IFT43: variants seen among roughly 807,000 people sequenced by gnomAD.
The protein encoded by IFT43 is intraflagellar transport protein 43 homolog.
In IFT43, 33 loss-of-function variants were observed where a neutral mutation model predicts 32.3. The observed-to-expected ratio is 1.02, with a 90% confidence interval of 0.77 to 1.37. The LOEUF is 1.37. IFT43 is among the 40% of genes most tolerant of loss of function. The probability of loss-of-function intolerance (pLI) is 0.00; values close to 1 mark genes in which losing one functional copy is unlikely to be tolerated. For synonymous variants in IFT43, 93 were observed against 98.2 expected, an observed-to-expected ratio of 0.95 and a Z score of 0.31; for missense variants, 274 against 265.9, an observed-to-expected ratio of 1.03 and a Z score of -0.21.
intron 2 of IFT43, among the ~76,000 whole-genome samples, chr14:75,992,816 C>T (rs2035669218): frequency 6.6e-6 from 1 of 152,154 alleles, no homozygotes; most frequent in Admixed American, 6.5e-5. Context: ...GCTGGGATTA[C>T]AGGTGTGAGC....
chr14:76,074,209 G>A (rs1006301381), intron 5 of IFT43, among the ~76,000 whole-genome samples: 23 of 152,164 alleles, frequency 1.5e-4, no homozygotes, highest in Non-Finnish European at 2.4e-4. Context: ...GCTCTGAGAA[G>A]GTGCTCTCTG....
At chr14:76,021,070 G>A (rs2036281289) in intron 2 of IFT43, among the ~76,000 whole-genome samples, 1 of 152,128 alleles carries the variant, frequency 6.6e-6, no homozygotes, top group South Asian at 2.1e-4. Context: ...CAGAAAATGT[G>A]CACCAGTGGT....
At chr14:76,082,770 C>T in intron 7 of IFT43, 78 bp downstream of exon 7, 2 of 1,097,318 alleles carry the variant, frequency 1.8e-6, no homozygotes, top group Non-Finnish European at 2.8e-6. Flanking sequence ...TCAGTTCCTC[C>T]CAAGCTATAC....
rs369458988 is a variant in IFT43 at position 76,062,991 on chromosome 14, T to C, written c.295+3618T>C. Among the ~76,000 whole-genome samples the C allele has an allele frequency of 1.4e-4, 21 of 151,166 alleles. 1 individual carries two copies. The East Asian group carries it at 1.5e-3, about 11-fold the overall frequency. ...GTAAATTGTGGAACATCTGTGTTTG[T>C]TTTGGTAAGCAGTTAATATATTTTC... On this transcript the variant is annotated intron_variant, in intron 5 of 8. Coordinates refer to ENST00000314067, the MANE Select transcript of IFT43 (RefSeq NM_001102564.3).
chr14:76,072,725 G>C (rs1291844606), intron 5 of IFT43, among the ~76,000 whole-genome samples: 1 of 152,170 alleles, frequency 6.6e-6, no homozygotes, highest in Non-Finnish European at 1.5e-5. Flanking sequence ...CCAGCATTCA[G>C]CACTGACAAA....
chr14:76,052,654 A>G (rs896268285), intron 3 of IFT43, among the ~76,000 whole-genome samples: 4 of 152,204 alleles, frequency 2.6e-5, no homozygotes, highest in African/African-American at 7.2e-5. Context: ...CACACCGTCA[A>G]ATGTCAGTGT....
chr14:76,009,442 T>C (rs543370138), intron 2 of IFT43, among the ~76,000 whole-genome samples: 1 of 148,678 alleles, frequency 6.7e-6, no homozygotes, highest in Non-Finnish European at 1.5e-5. Context: ...GTATTATTTC[T>C]AATTACCTAG....
chr14:76,023,330 A>T (rs1308850865), intron 3 of IFT43, among the ~76,000 whole-genome samples: 2 of 152,162 alleles, frequency 1.3e-5, no homozygotes, highest in Non-Finnish European at 2.9e-5. Context: ...CTGTGGTTCC[A>T]TATTGAGGGG....
intron 2 of IFT43, among the ~76,000 whole-genome samples, chr14:75,998,916 G>A (rs1024904088): frequency 1.3e-5 from 2 of 152,026 alleles, no homozygotes; most frequent in African/African-American, 4.8e-5. Context: ...TTTATTTTTT[G>A]TAGAGACAAG....
At chr14:76,048,665 C>T (rs929309574) in intron 3 of IFT43, among the ~76,000 whole-genome samples, 11 of 152,168 alleles carry the variant, frequency 7.2e-5, no homozygotes, top group African/African-American at 1.9e-4. Context: ...TCTAGTGGGT[C>T]GGTCAGTGAT....
Position 76,060,664 on chromosome 14 carries a change from T to G in IFT43, c.295+1291T>G, listed in dbSNP as rs527298482. Among the ~76,000 whole-genome samples, 422 of 152,306 alleles carry G rather than the reference T, an allele frequency of 2.8e-3. 1 individual carries two copies. The highest frequency in any genetic ancestry group is 9.6e-3 in the African/African-American group (400 of 41,560). Reference sequence around the variant, plus strand: ...TCATTATTTTGTAGAACAGGTTGTCTGGCAAGAAATTCTGTCTGCTTTATT... The same window carrying G: ...TCATTATTTTGTAGAACAGGTTGTCGGGCAAGAAATTCTGTCTGCTTTATT... On this transcript the variant is annotated intron_variant, in intron 5 of 8. Coordinates refer to ENST00000314067, the MANE Select transcript of IFT43 (RefSeq NM_001102564.3).
intron 5 of IFT43, among the ~76,000 whole-genome samples, chr14:76,075,038 A>G (rs948313378): frequency 3.9e-5 from 6 of 152,130 alleles, no homozygotes; most frequent in African/African-American, 1.4e-4. Flanking sequence ...ACGTATGGGC[A>G]CCCCAAACTG....
At chr14:76,075,978 C>T (rs2037405592) in intron 5 of IFT43, among the ~76,000 whole-genome samples, 1 of 152,168 alleles carries the variant, frequency 6.6e-6, no homozygotes, top group African/African-American at 2.4e-5. Flanking sequence ...ACTTTGCACA[C>T]AGAATCAGGG....
intron 5 of IFT43, among the ~76,000 whole-genome samples, chr14:76,076,881 C>T (rs1343729510): frequency 6.6e-6 from 1 of 152,008 alleles, no homozygotes; most frequent in Admixed American, 6.6e-5. Flanking sequence ...TATTGGTATT[C>T]TATAAGTTTC....
At chr14:76,058,111 G>C (rs2037057147) in intron 3 of IFT43, 1 of 192,672 alleles carries the variant, frequency 5.2e-6, no homozygotes, top group African/African-American at 2.4e-5. Flanking sequence ...AGATACGCGT[G>C]TATCAGCCAG....
At chr14:75,988,174 C>T (rs1046997007) in intron 1 of IFT43, among the ~76,000 whole-genome samples, 7 of 152,064 alleles carry the variant, frequency 4.6e-5, no homozygotes, top group Non-Finnish European at 7.4e-5. Flanking sequence ...GAAAGAAAAC[C>T]TTGTCCAGCC....
chr14:76,001,492 G>A (rs578249664), intron 2 of IFT43, among the ~76,000 whole-genome samples: 26 of 152,318 alleles, frequency 1.7e-4, no homozygotes, highest in Non-Finnish European at 1.8e-4. Context: ...AGGTGAGACT[G>A]GAAGCAGGGA....
intron 3 of IFT43, chr14:76,038,080 C>T (rs894132160): frequency 4.6e-5 from 7 of 152,168 alleles, no homozygotes; most frequent in African/African-American, 1.7e-4. Context: ...TACCCTTAGC[C>T]GCAAAGAACC....
At position 76,083,581 on chromosome 14, in the gene IFT43, C is replaced by T. The variant is rs751479384; in HGVS notation, c.*4C>T. 41 of 1,613,690 alleles carry T rather than the reference C, an allele frequency of 2.5e-5. No individual in the cohort carries two copies. The highest frequency in any genetic ancestry group is 4.4e-5 in the South Asian group (4 of 91,086). Reference sequence around the variant, plus strand: ...GGGGCAGGCCAGGCACACCTGAGCCCGTCACCCATGCTCTAGACATGAAGA... The same window carrying T: ...GGGGCAGGCCAGGCACACCTGAGCCTGTCACCCATGCTCTAGACATGAAGA... On this transcript the variant is annotated 3_prime_UTR_variant, in exon 9 of 9. Coordinates refer to ENST00000314067, the MANE Select transcript of IFT43 (RefSeq NM_001102564.3).
Sources: allele counts gnomAD v4.1 joint callset (sites outside exome capture counted in the v4.1 genomes callset), GRCh38; gene constraint gnomAD v4.1.1; transcripts MANE v1.5; gene names NCBI Gene and HGNC (gene_info 2026-07-23, HGNC 2026-07-21).